The following ADGB variants were observed in gnomAD, a reference collection of about 807,000 sequenced individuals.
The protein encoded by ADGB is calpain-7-like protein.
In ADGB, 172 loss-of-function variants were observed where a neutral mutation model predicts 210.5. The ratio of observed to expected loss-of-function variants is 0.82; its 90% CI spans 0.72 to 0.93. The LOEUF is 0.93. Among genes scored for constraint, ADGB ranks in the 40% least tolerant of loss-of-function variants. ADGB has a pLI of 0.00. For synonymous variants in ADGB, 658 were observed against 662.7 expected (o/e 0.99, Z 0.11); for missense variants, 2,025 against 1,964.8 (o/e 1.03, Z -0.58).
intron 6 of ADGB, among the ~76,000 whole-genome samples, chr6:146,665,099 C>T (rs1187081343): frequency 1.3e-5 from 2 of 152,058 alleles, no homozygotes; most frequent in East Asian, 3.9e-4. Context: ...TATACACGTC[C>T]ACCTCCTGCA....
intron 33 of ADGB, among the ~76,000 whole-genome samples, chr6:146,792,156 G>T (rs73584887): frequency 0.036 from 5,453 of 152,008 alleles, 306 homozygotes; most frequent in African/African-American, 0.12. Context: ...TTGAAGTCTG[G>T]TGATGCCTCC....
chr6:146,802,053 CT>C (rs771692350), intron 35 of ADGB, 42 bp downstream of exon 35: 1 of 1,295,696 alleles, frequency 7.7e-7, no homozygotes, highest in South Asian at 2.0e-5. Context: ...TTGGCAAATT[CT>C]TTCGTAACAT....
rs1267300295 is a variant in ADGB at position 146,654,336 on chromosome 6, AT to A, written c.402+131del. On this transcript the variant is annotated intron_variant, in intron 4 of 35. Coordinates refer to ENST00000397944, the MANE Select transcript of ADGB (RefSeq NM_024694.4). ...GTTTTGGTATTATATATATATATAT[AT>A]AATACCAAAAAATATATATGGGGGT... 1.0e-4 allele frequency: 42 copies of A among 416,036 alleles called. 1 individual carries two copies. The highest frequency in any genetic ancestry group is 3.9e-4 in the Middle Eastern group (1 of 2,586). 25.8% of individuals were successfully genotyped at this position (416,036 alleles called of 1,614,324 possible). A position where few individuals can be genotyped will look rare whatever the true frequency, so the allele number is the denominator to read the frequency against.
chr6:146,678,168 T>G (rs1424988632), intron 9 of ADGB, among the ~76,000 whole-genome samples: 1 of 152,172 alleles, frequency 6.6e-6, no homozygotes, highest in Non-Finnish European at 1.5e-5. Context: ...GTTCAAGAGG[T>G]AATTGAGTGA....
At chr6:146,691,442 A>ATATATATAT (rs1491360806) in intron 11 of ADGB, among the ~76,000 whole-genome samples, 152 bp downstream of exon 11, 10 of 54,964 alleles carry the variant, frequency 1.8e-4, no homozygotes, top group African/African-American at 1.4e-3. Flanking sequence ...ATATATATAT[A>ATATATATAT]AAAATATATA....
rs536128710 is a variant in ADGB at position 146,768,048 on chromosome 6, AG to A, written c.3751-971del. ...AATATATCAGTTTTCCACATAGAAA[AG>A]CTTAACACTTGAATAAAGGCTACAG... On this transcript the variant is annotated intron_variant, in intron 28 of 35. Coordinates refer to ENST00000397944, the MANE Select transcript of ADGB (RefSeq NM_024694.4). Among the ~76,000 whole-genome samples, 85 of 152,326 alleles carry A rather than the reference AG, an allele frequency of 5.6e-4. 2 individuals are homozygous for A. The South Asian group carries it at 0.016, about 29-fold the overall frequency.
At chr6:146,721,022 A>G (rs73004193) in intron 16 of ADGB, among the ~76,000 whole-genome samples, 3,633 of 152,286 alleles carry the variant, frequency 0.024, 59 homozygotes, top group Non-Finnish European at 0.04. Context: ...ATTCTCTGCC[A>G]AAGTTTCTTA....
chr6:146,748,620 T>G (rs1777276884), intron 26 of ADGB, among the ~76,000 whole-genome samples: 1 of 152,172 alleles, frequency 6.6e-6, no homozygotes. Flanking sequence ...ACAATCTCAC[T>G]TTGTCGCCCA....
chr6:146,676,571 G>T (rs1285730038), intron 9 of ADGB, 130 bp downstream of exon 9: 6 of 938,194 alleles, frequency 6.4e-6, no homozygotes, highest in African/African-American at 1.7e-5. Flanking sequence ...TGCCATAAAT[G>T]TTGGGTTCTC....
Position 146,664,254 on chromosome 6 carries a change from C to A in ADGB, c.666C>A (p.Asn222Lys), listed in dbSNP as rs773721725. ...ACTTTTTGCCTTTTGATGAAGATAACAATCTATTGCTTCCAGCTACAACTT... is the reference window on the plus strand; with the variant it reads ...ACTTTTTGCCTTTTGATGAAGATAAAAATCTATTGCTTCCAGCTACAACTT... Reference protein sequence around the residue: ...IDDFLPFDEDNNLLLPATTYE... With the variant: ...IDDFLPFDEDKNLLLPATTYE... Residue 222 changes from asparagine to lysine, a missense_variant, in exon 6 of 36, where the codon AAC (asparagine) becomes AAA (lysine). By Grantham distance (94) the Asn-to-Lys change is moderately conservative. Transcript: ENST00000397944. The A allele has an allele frequency of 7.1e-6, 11 of 1,549,252 alleles. No individual in the cohort carries two copies. The African/African-American group carries it at 1.4e-4, about 19-fold the overall frequency.
intron 1 of ADGB, among the ~76,000 whole-genome samples, chr6:146,615,188 G>A (rs929955323): frequency 6.6e-6 from 1 of 151,932 alleles, no homozygotes; most frequent in African/African-American, 2.4e-5. Context: ...TTACAGGCGT[G>A]AGCCACCACA....
chr6:146,733,085 A>G (rs779777049), intron 20 of ADGB, 35 bp from the exon 21 acceptor site: 2 of 1,407,622 alleles, frequency 1.4e-6, no homozygotes, highest in Non-Finnish European at 1.9e-6. Context: ...AGATGATGGT[A>G]TTTTCTTGCT....
chr6:146,638,620 G>C (rs1464244964), intron 2 of ADGB, among the ~76,000 whole-genome samples: 4 of 132,102 alleles, frequency 3.0e-5, no homozygotes, highest in Non-Finnish European at 5.0e-5. Context: ...GGGGGGGGGG[G>C]GGAGGGATAG....
At chr6:146,732,578 T>TA (rs10668448) in intron 20 of ADGB, among the ~76,000 whole-genome samples, 11,837 of 148,480 alleles carry the variant, frequency 0.08, 549 homozygotes, top group African/African-American at 0.14. Flanking sequence ...GCTATTTTGG[T>TA]AAAAAAAAAA....
chr6:146,746,751 A>G (rs1777245314), intron 26 of ADGB, among the ~76,000 whole-genome samples: 1 of 152,134 alleles, frequency 6.6e-6, no homozygotes, highest in African/African-American at 2.4e-5. Flanking sequence ...ATAACGTTCC[A>G]TTGACTACAG....
intron 29 of ADGB, among the ~76,000 whole-genome samples, chr6:146,774,697 A>G (rs1777696545): frequency 6.6e-6 from 1 of 152,218 alleles, no homozygotes; most frequent in Admixed American, 6.5e-5. Context: ...CTATGTATCA[A>G]TTATATATAC....
intron 17 of ADGB, among the ~76,000 whole-genome samples, chr6:146,722,699 C>G (rs1776838912): frequency 6.6e-6 from 1 of 152,200 alleles, no homozygotes; most frequent in Admixed American, 6.5e-5. Flanking sequence ...TACTCTCACT[C>G]ATGTTCAGAT....
intron 13 of ADGB, among the ~76,000 whole-genome samples, chr6:146,708,425 G>A (rs2114554305): frequency 6.6e-6 from 1 of 152,110 alleles, no homozygotes; most frequent in East Asian, 1.9e-4. Context: ...AATTCCCTCA[G>A]CTTTTTTTGT....
At position 146,691,411 on chromosome 6, in the gene ADGB, A is replaced by ATATATATATATATATAT. The variant is rs1776305900; in HGVS notation, c.1486+121_1486+122insTATATATATATATATAT. 4 of 98,244 alleles carry ATATATATATATATATAT rather than the reference A, an allele frequency of 4.1e-5. 1 individual carries two copies. In the African/African-American group the frequency reaches 4.7e-4, roughly 11 times the overall value. The allele number at this position is 98,244 out of a possible 1,614,324, so 6.1% of individuals were successfully genotyped here. ...AACATTGCTTCTAAAGCCTATGTTTAATATATATATATATATATATATATA... is the reference window on the plus strand; with the variant it reads ...AACATTGCTTCTAAAGCCTATGTTTATATATATATATATATATATATATATATATATATATATATATA... On this transcript the variant is annotated intron_variant, in intron 11 of 35. Transcript: ENST00000397944.
Sources: gnomAD v4.1 joint callset for allele counts (sites outside exome capture counted in the v4.1 genomes callset) on GRCh38, gnomAD v4.1.1 for gene constraint, MANE v1.5 for transcripts, NCBI Gene and HGNC (gene_info 2026-07-23, HGNC 2026-07-21) for gene names.